ZNF521: variants seen among roughly 807,000 people sequenced by gnomAD.
The protein encoded by ZNF521 is zinc finger protein 521, also known as LYST-interacting protein 3.
ZNF521 carries 14 observed loss-of-function variants against 105.5 expected under a neutral mutation model. The observed-to-expected ratio is 0.13, with a 90% CI of 0.09 to 0.21. ZNF521 has a LOEUF of 0.21. Ranked by LOEUF, ZNF521 falls within the 10% of genes least tolerant of loss-of-function variation. ZNF521 has a pLI of 1.00. For missense variants in ZNF521, 1,233 were observed against 1,629.7 expected, an observed-to-expected ratio of 0.76 and a Z score of 4.19; for synonymous variants, 635 against 606.0, an observed-to-expected ratio of 1.05 and a Z score of -0.70.
chr18:25,270,687 C>G (rs2144938797), intron 3 of ZNF521, among the ~76,000 whole-genome samples: 1 of 152,288 alleles, frequency 6.6e-6, no homozygotes, highest in Non-Finnish European at 1.5e-5. Context: ...ACATGATTAT[C>G]TCACTAGATG....
intron 3 of ZNF521, among the ~76,000 whole-genome samples, chr18:25,318,916 T>A (rs1250232232): frequency 6.7e-6 from 1 of 148,612 alleles, no homozygotes; most frequent in Non-Finnish European, 1.5e-5. Flanking sequence ...GGTTTCTAAA[T>A]ACCTTTGTCC....
chr18:25,308,159 G>A (rs1177774395), intron 3 of ZNF521, among the ~76,000 whole-genome samples: 2 of 127,916 alleles, frequency 1.6e-5, no homozygotes, highest in Admixed American at 9.8e-5. Flanking sequence ...CTGAGATCAC[G>A]CCATTGCACT....
chr18:25,274,083 T>A (rs1022076368), intron 3 of ZNF521, among the ~76,000 whole-genome samples: 1 of 152,130 alleles, frequency 6.6e-6, no homozygotes, highest in African/African-American at 2.4e-5. Context: ...TTTCTTCACT[T>A]CCAAAGGGCA....
intron 3 of ZNF521, among the ~76,000 whole-genome samples, chr18:25,252,884 T>C (rs1451626788): frequency 6.6e-6 from 1 of 152,128 alleles, no homozygotes; most frequent in African/African-American, 2.4e-5. Flanking sequence ...GAGCAAAGCT[T>C]TCAAAATATG....
At chr18:25,254,973 T>C (rs1380947941) in intron 3 of ZNF521, among the ~76,000 whole-genome samples, 1 of 152,160 alleles carries the variant, frequency 6.6e-6, no homozygotes, top group Non-Finnish European at 1.5e-5. Flanking sequence ...ATTTGCTACA[T>C]TGTGGAAAGG....
At chr18:25,169,158 G>T (rs1379957409) in intron 5 of ZNF521, among the ~76,000 whole-genome samples, 1 of 152,106 alleles carries the variant, frequency 6.6e-6, no homozygotes, top group Non-Finnish European at 1.5e-5. Flanking sequence ...TAACAAAAAG[G>T]TCATCTTAAT....
At chr18:25,202,361 T>C (rs532348411) in intron 4 of ZNF521, 1 of 152,298 alleles carries the variant, frequency 6.6e-6, no homozygotes. Context: ...AGCGCTTATA[T>C]TATATTCAGT....
chr18:25,287,683 C>A (rs925640976), intron 3 of ZNF521, among the ~76,000 whole-genome samples: 1 of 151,600 alleles, frequency 6.6e-6, no homozygotes, highest in African/African-American at 2.4e-5. Flanking sequence ...ATGACAGGCA[C>A]ATGACCACAG....
intron 5 of ZNF521, among the ~76,000 whole-genome samples, chr18:25,168,114 G>A (rs1289660857): frequency 6.6e-6 from 1 of 152,130 alleles, no homozygotes; most frequent in Non-Finnish European, 1.5e-5. Flanking sequence ...CAGTGATTTA[G>A]TGCTCTGCAT....
chr18:25,245,889 G>A lies in ZNF521; in HGVS notation c.221-18192C>T, dbSNP rs540795354. The stretch of plus-strand genomic sequence containing the variant: ...TAGCCAGATGTGATGGTACATGCCT[G>A]TTGTCCCAGCTACTCAGAAGGCTGA... On this transcript the variant is annotated intron_variant, in intron 3 of 7. Transcript: ENST00000361524. Among the ~76,000 whole-genome samples, 79 of 152,240 alleles carry A rather than the reference G, an allele frequency of 5.2e-4. No individual in the cohort carries two copies. The South Asian group carries it at 0.016, about 31-fold the overall frequency.
intron 3 of ZNF521, among the ~76,000 whole-genome samples, chr18:25,260,675 A>G (rs937145822): frequency 6.6e-6 from 1 of 152,202 alleles, no homozygotes; most frequent in Non-Finnish European, 1.5e-5. Context: ...ACTCCAAAAA[A>G]GCAGTGGATT....
chr18:25,183,184 G>T (rs1398079158), intron 5 of ZNF521, among the ~76,000 whole-genome samples: 2 of 152,030 alleles, frequency 1.3e-5, no homozygotes, highest in Non-Finnish European at 2.9e-5. Context: ...ATCCTAATTT[G>T]ATTTGATAAT....
At chr18:25,317,046 G>A (rs767496012) in intron 3 of ZNF521, among the ~76,000 whole-genome samples, 5 of 151,756 alleles carry the variant, frequency 3.3e-5, no homozygotes, top group African/African-American at 7.3e-5. Context: ...TAGTAGAGAC[G>A]GGGTTTCACC....
chr18:25,345,980 AT>A (rs1015776150), intron 2 of ZNF521, among the ~76,000 whole-genome samples: 42 of 152,272 alleles, frequency 2.8e-4, no homozygotes, highest in African/African-American at 9.1e-4. Flanking sequence ...ATGAAAAAAA[AT>A]CTCTCTCTCT....
At chr18:25,254,759 G>A (rs912199261) in intron 3 of ZNF521, among the ~76,000 whole-genome samples, 6 of 152,074 alleles carry the variant, frequency 3.9e-5, no homozygotes, top group Non-Finnish European at 5.9e-5. Flanking sequence ...ACTGTTTTCC[G>A]CTGAGGTTTA....
chr18:25,305,311 C>T (rs529866768), intron 3 of ZNF521, among the ~76,000 whole-genome samples: 120 of 152,198 alleles, frequency 7.9e-4, no homozygotes, highest in African/African-American at 2.5e-3. Context: ...ATTTATAAAA[C>T]GAGAAATCTT....
At chr18:25,103,502 G>C (rs1194041985) in intron 5 of ZNF521, among the ~76,000 whole-genome samples, 1 of 152,142 alleles carries the variant, frequency 6.6e-6, no homozygotes, top group African/African-American at 2.4e-5. Context: ...ATAACCCAAA[G>C]TGTGTGGCTT....
chr18:25,234,938 A>G (rs1170272171), intron 3 of ZNF521, among the ~76,000 whole-genome samples: 3 of 152,296 alleles, frequency 2.0e-5, no homozygotes, highest in East Asian at 3.9e-4. Context: ...GGATTAATTT[A>G]TTAACAATAT....
intron 3 of ZNF521, among the ~76,000 whole-genome samples, chr18:25,254,303 T>A (rs371803711): frequency 6.6e-6 from 1 of 152,124 alleles, no homozygotes; most frequent in East Asian, 1.9e-4. Context: ...GGTAGAAGCA[T>A]GTACACTATC....
Sources: allele counts gnomAD v4.1 joint callset (sites outside exome capture counted in the v4.1 genomes callset), GRCh38; gene constraint gnomAD v4.1.1; transcripts MANE v1.5; gene names NCBI Gene and HGNC (gene_info 2026-07-23, HGNC 2026-07-21).